The following YARS1 variants were observed in gnomAD, a reference collection of about 807,000 sequenced individuals.
The protein encoded by YARS1 is tyrosine--tRNA ligase, cytoplasmic.
In YARS1, 36 loss-of-function variants were observed where a neutral mutation model predicts 62.2. That is an observed-to-expected ratio of 0.58 (90% CI 0.44 to 0.76). The LOEUF (loss-of-function observed/expected upper bound fraction) is 0.76, where lower values mean the gene tolerates loss of function less well. Among genes scored for constraint, YARS1 ranks in the 30% least tolerant of loss-of-function variants. The pLI is 0.00. For synonymous variants in YARS1, 234 were observed against 244.9 expected (o/e 0.96, Z 0.42); for missense variants, 524 against 639.8 (o/e 0.82, Z 1.95).
At position 32,796,080 on chromosome 1, in the gene YARS1, G is replaced by A. The variant is rs556827780; in HGVS notation, c.591+1683C>T. On this transcript the variant is annotated intron_variant, in intron 5 of 12. Coordinates refer to ENST00000373477, the MANE Select transcript of YARS1 (RefSeq NM_003680.4). ...CAGGCTGAGATGGGTGGATCATGAG[G>A]TCAGGAGTTCGAGATCAGCCTGGCC... 1.2e-4 allele frequency among the ~76,000 whole-genome samples: 19 copies of A among 152,024 alleles called. No individual in the cohort carries two copies. In the Middle Eastern group the frequency reaches 0.014, roughly 109 times the overall value.
intron 6 of YARS1, among the ~76,000 whole-genome samples, chr1:32,788,619 C>T (rs1243552513): frequency 6.6e-6 from 1 of 151,692 alleles, no homozygotes; most frequent in Non-Finnish European, 1.5e-5. Context: ...TTAGTAGAGA[C>T]GGGGTTTCTC....
intron 12 of YARS1, among the ~76,000 whole-genome samples, chr1:32,778,736 CTT>C (rs67504155): frequency 7.5e-5 from 9 of 120,058 alleles, no homozygotes; most frequent in Non-Finnish European, 8.6e-5. Context: ...CTTTTCTTTT[CTT>C]TTTTTTTTTT....
chr1:32,806,564 TGC>T lies in YARS1; in HGVS notation c.426_427del (p.His143ArgfsTer8). The T allele has an allele frequency of 6.2e-7, 1 of 1,614,118 alleles. No individual in the cohort carries two copies. Among genetic ancestry groups the T allele is most frequent in the Non-Finnish European group, 8.5e-7 (1 of 1,180,024 alleles). On this transcript the variant is annotated frameshift_variant, in exon 4 of 13. Coordinates refer to ENST00000373477, the MANE Select transcript of YARS1 (RefSeq NM_003680.4). LOFTEE classifies it high-confidence loss of function. The stretch of plus-strand genomic sequence containing the variant: ...CTCAGCTCCAGCCTTCTTGGAATCG[TGC>T]TGTGTGACCACGGAGGAGAGTCTGT...
chr1:32,816,250 G>C (rs1394329159), intron 1 of YARS1, among the ~76,000 whole-genome samples: 1 of 152,174 alleles, frequency 6.6e-6, no homozygotes, highest in East Asian at 1.9e-4. Flanking sequence ...AGAACAGGCT[G>C]TGTGGCCCAA....
chr1:32,779,264 G>A (rs941424118), intron 12 of YARS1, 118 bp downstream of exon 12: 14 of 1,539,632 alleles, frequency 9.1e-6, no homozygotes, highest in Middle Eastern at 1.9e-4. Flanking sequence ...GAGGGAGAGA[G>A]GGGCTCAAAT....
rs10798918 is a variant in YARS1 at position 32,810,380 on chromosome 1, T to C, written c.380+211A>G. On this transcript the variant is annotated intron_variant, in intron 3 of 12. Transcript: ENST00000373477. The stretch of plus-strand genomic sequence containing the variant: ...TGGTTACGTTTATATTTCCAGCAAA[T>C]AGGACAGTATTAAGGCATTTACTAG... 0.14 allele frequency among the ~76,000 whole-genome samples: 20,875 copies of C among 152,186 alleles called. 1,780 individuals carry two copies. The highest frequency in any genetic ancestry group is 0.23 in the South Asian group (1,102 of 4,818).
chr1:32,809,475 A>G (rs1177419376), intron 3 of YARS1, among the ~76,000 whole-genome samples: 3 of 152,038 alleles, frequency 2.0e-5, no homozygotes, highest in African/African-American at 4.8e-5. Flanking sequence ...GCCTCAAGCA[A>G]TTCTCCCAGC....
rs751583375 is a variant in YARS1, at chr1:32,795,036, TTTGCCAGGC to T, written c.591+2718_591+2726del. ...AAAAAAAAAAAAAAAAAAGATGAGT[TTTGCCAGGC>T]GCGGTGGCTCACGCTTGTAATCTCA... On this transcript the variant is annotated intron_variant, in intron 5 of 12. Coordinates refer to ENST00000373477, the MANE Select transcript of YARS1 (RefSeq NM_003680.4). Among the ~76,000 whole-genome samples the T allele has an allele frequency of 8.3e-3, 1,172 of 141,690 alleles. 21 individuals carry two copies. The highest frequency in any genetic ancestry group is 0.021 in the Middle Eastern group (5 of 240). The allele number at this position is 141,690 out of a possible 152,430, so 93.0% of individuals were successfully genotyped here. A position where few individuals can be genotyped will look rare whatever the true frequency, so the allele number is the denominator to read the frequency against.
Position 32,775,926 on chromosome 1 carries a change from T to C in YARS1, c.*55A>G. ...TAAATGGGTGATGGATGGAGCAGAC[T>C]GAAGAGACAGCAGATGACTCAGTGG... On this transcript the variant is annotated 3_prime_UTR_variant, in exon 13 of 13. Transcript: ENST00000373477. 1.4e-6 allele frequency: 2 copies of C among 1,460,282 alleles called. No individual in the cohort carries two copies. The allele number at this position is 1,460,282 out of a possible 1,614,324, so 90.5% of individuals were successfully genotyped here. A position where few individuals can be genotyped will look rare whatever the true frequency, so the allele number is the denominator to read the frequency against.
chr1:32,785,221 A>T (rs1194006417), intron 8 of YARS1, among the ~76,000 whole-genome samples: 4 of 152,188 alleles, frequency 2.6e-5, no homozygotes, highest in Admixed American at 6.5e-5. Flanking sequence ...GCACTCTGGG[A>T]GGCCGAGGCA....
chr1:32,813,184 C>A (rs1638625468), intron 1 of YARS1, among the ~76,000 whole-genome samples: 1 of 152,156 alleles, frequency 6.6e-6, no homozygotes, highest in Non-Finnish European at 1.5e-5. Flanking sequence ...ACTTCTGTCT[C>A]CCCAAAATGT....
Position 32,786,375 on chromosome 1 carries a change from TC to T in YARS1, c.892del (p.Asp298ThrfsTer12), listed in dbSNP as rs775447761. 6.2e-7 allele frequency: 1 copy of T among 1,614,060 alleles called. No homozygotes were observed. Among genetic ancestry groups the T allele is most frequent in the Non-Finnish European group, 8.5e-7 (1 of 1,179,986 alleles). ...CTTTCATGTTACCTCAGCAGCAAAG[TC>T]CTTTTCCAGGTCCACGTAAGCTGTG... ...TYTAYVDLEK[D>X]FAAEVVHPGD... is the part of the protein sequence containing the mutation. On this transcript the variant is annotated frameshift_variant, in exon 8 of 13. Coordinates refer to ENST00000373477, the MANE Select transcript of YARS1 (RefSeq NM_003680.4). LOFTEE classifies it high-confidence loss of function.
intron 4 of YARS1, 27 bp from the exon 5 acceptor site, chr1:32,797,870 A>G: frequency 6.3e-7 from 1 of 1,595,696 alleles, no homozygotes; most frequent in Admixed American, 1.7e-5. Flanking sequence ...ATGAACATAA[A>G]CATCTACTTT....
At chr1:32,804,349 G>A (rs564926543) in intron 4 of YARS1, among the ~76,000 whole-genome samples, 9 of 150,866 alleles carry the variant, frequency 6.0e-5, no homozygotes, top group East Asian at 3.9e-4. Flanking sequence ...CCTCCCGGAC[G>A]GGGTGGCTGG....
Position 32,810,686 on chromosome 1 carries a change from A to G in YARS1, c.285T>C (p.Ser95=). The G allele has an allele frequency of 6.2e-7, 1 of 1,614,122 alleles. No homozygotes were observed. The highest frequency in any genetic ancestry group is 8.5e-7 in the Non-Finnish European group (1 of 1,180,022). ...TTGCTTTGATCACATTCTCATAGTA[A>G]CTGACTCGGAGTTCTAGAAGTTCCC... ...APWELLELRV[S]YYENVIKAML... is the part of the protein sequence containing the mutation. Residue 95 remains serine, a synonymous_variant, in exon 3 of 13, where the codon AGT becomes AGC. Coordinates refer to ENST00000373477, the MANE Select transcript of YARS1 (RefSeq NM_003680.4).
At chr1:32,791,485 CAAT>C (rs1183103045) in intron 5 of YARS1, among the ~76,000 whole-genome samples, 3 of 152,068 alleles carry the variant, frequency 2.0e-5, no homozygotes, top group African/African-American at 7.2e-5. Context: ...CCATAAACAA[CAAT>C]AAAAGCTGGA....
rs1193918774 is a variant in YARS1 at position 32,787,024 on chromosome 1, T to TCA, written c.734_735dup (p.Lys246Ter). On this transcript the variant is annotated frameshift_variant, in exon 7 of 13. Coordinates refer to ENST00000373477, the MANE Select transcript of YARS1 (RefSeq NM_003680.4). LOFTEE classifies it high-confidence loss of function. ...TTTCCTGGCTCACAGAAGGCCTTCT[T>TCA]CAGTTTTTTCTTCACATCCTCCTTC... 4 of 1,614,102 alleles carry TCA rather than the reference T, an allele frequency of 2.5e-6. No homozygotes were observed. Among genetic ancestry groups the TCA allele is most frequent in the Non-Finnish European group, 3.4e-6 (4 of 1,180,052 alleles).
At chr1:32,806,935 C>T (rs968065757) in intron 3 of YARS1, among the ~76,000 whole-genome samples, 3 of 152,106 alleles carry the variant, frequency 2.0e-5, no homozygotes, top group Non-Finnish European at 4.4e-5. Context: ...TGCACATGCA[C>T]CCCTTGAATC....
intron 12 of YARS1, among the ~76,000 whole-genome samples, chr1:32,778,736 C>CTTTTTTTT (rs67504155): frequency 8.3e-6 from 1 of 120,068 alleles, no homozygotes; most frequent in Non-Finnish European, 1.7e-5. Context: ...CTTTTCTTTT[C>CTTTTTTTT]TTTTTTTTTT....
Sources: allele counts gnomAD v4.1 joint callset (sites outside exome capture counted in the v4.1 genomes callset), GRCh38; gene constraint gnomAD v4.1.1; transcripts MANE v1.5; gene names NCBI Gene and HGNC (gene_info 2026-07-23, HGNC 2026-07-21).